The following CAMK1D variants were observed in gnomAD, a reference collection of about 807,000 sequenced individuals.
CAMK1D encodes the protein calcium/calmodulin-dependent protein kinase type 1D.
CAMK1D carries 9 observed loss-of-function variants against 47.7 expected under a neutral mutation model. The ratio of observed to expected loss-of-function variants is 0.19; its 90% CI spans 0.11 to 0.33. The LOEUF is 0.33. CAMK1D is among the 10% of genes least tolerant of loss of function. The probability of loss-of-function intolerance (pLI) is 1.00; values close to 1 mark genes in which losing one functional copy is unlikely to be tolerated. For missense variants in CAMK1D, 291 were observed against 488.7 expected (o/e 0.60, Z 3.81); for synonymous variants, 184 against 184.9 (o/e 0.99, Z 0.04).
At chr10:12,565,186 G>C (rs1837082935) in intron 2 of CAMK1D, among the ~76,000 whole-genome samples, 1 of 152,126 alleles carries the variant, frequency 6.6e-6, no homozygotes, top group Non-Finnish European at 1.5e-5. Flanking sequence ...ACTTCAGCCT[G>C]GGTGACAGAG....
At chr10:12,611,868 C>T (rs111908080) in intron 2 of CAMK1D, among the ~76,000 whole-genome samples, 33,729 of 152,072 alleles carry the variant, frequency 0.22, 4,217 homozygotes, top group South Asian at 0.34. Context: ...GCTGGGATTA[C>T]AGGCGTGAGC....
intron 5 of CAMK1D, among the ~76,000 whole-genome samples, chr10:12,788,920 A>G (rs893515391): frequency 2.0e-5 from 3 of 152,224 alleles, no homozygotes; most frequent in Admixed American, 1.3e-4. Context: ...TTTAAAAAAA[A>G]TAAAAATCTG....
intron 1 of CAMK1D, among the ~76,000 whole-genome samples, chr10:12,407,889 A>G (rs1395616711): frequency 8.0e-6 from 1 of 124,508 alleles, no homozygotes; most frequent in African/African-American, 3.2e-5. Context: ...AGAGACTCTC[A>G]CTCTGTCACC....
intron 1 of CAMK1D, among the ~76,000 whole-genome samples, chr10:12,402,089 A>C (rs1035249979): frequency 1.3e-5 from 2 of 149,344 alleles, no homozygotes; most frequent in Non-Finnish European, 3.0e-5. Flanking sequence ...TATTTTTTTG[A>C]GATGGAGTCT....
intron 1 of CAMK1D, among the ~76,000 whole-genome samples, chr10:12,390,264 G>T (rs922449925): frequency 6.6e-6 from 1 of 152,068 alleles, no homozygotes; most frequent in African/African-American, 2.4e-5. Context: ...AAAAGATGGG[G>T]TCTTGCTCCA....
chr10:12,499,714 G>C (rs1461846584), intron 1 of CAMK1D, among the ~76,000 whole-genome samples: 1 of 152,208 alleles, frequency 6.6e-6, no homozygotes, highest in African/African-American at 2.4e-5. Context: ...TCATTGGTTG[G>C]TTGTCTGCCC....
rs1238627356 is a variant in CAMK1D, at chr10:12,827,623, C to CTCTCTCT, written c.1040-1140_1040-1139insTTCTCTC. On this transcript the variant is annotated intron_variant, in intron 10 of 10. Coordinates refer to ENST00000619168, the MANE Select transcript of CAMK1D (RefSeq NM_153498.4). The stretch of plus-strand genomic sequence containing the variant: ...CTGCCTTCCCCTCCCCTCCTCTCTC[C>CTCTCTCT]TCTCTCCTCTCTCCCCTCTCCCCTC... 2.7e-4 allele frequency among the ~76,000 whole-genome samples: 17 copies of CTCTCTCT among 64,136 alleles called. 4 individuals carry two copies. Among genetic ancestry groups the CTCTCTCT allele is most frequent in the African/African-American group, 8.5e-4 (17 of 19,976 alleles). 42.1% of individuals were successfully genotyped at this position (64,136 alleles called of 152,430 possible).
Position 12,808,964 on chromosome 10 carries a change from A to G in CAMK1D, c.642-5231A>G, listed in dbSNP as rs186460620. Among the ~76,000 whole-genome samples, 1,460 of 152,012 alleles carry G rather than the reference A, an allele frequency of 9.6e-3. 22 individuals are homozygous for G. Among genetic ancestry groups the G allele is most frequent in the African/African-American group, 0.033 (1,361 of 41,430 alleles). On this transcript the variant is annotated intron_variant, in intron 6 of 10. Coordinates refer to ENST00000619168, the MANE Select transcript of CAMK1D (RefSeq NM_153498.4). ...AAACCCCATCTCTACTAAAAATACA[A>G]AAATTAGCCAGGTGTGGTGGTGTGC...
At chr10:12,641,216 G>A (rs1839656340) in intron 2 of CAMK1D, among the ~76,000 whole-genome samples, 7 of 152,178 alleles carry the variant, frequency 4.6e-5, no homozygotes. Context: ...TGATCCACCT[G>A]CCTTGGTCTC....
At chr10:12,740,180 C>A (rs1157933052) in intron 3 of CAMK1D, among the ~76,000 whole-genome samples, 4 of 152,178 alleles carry the variant, frequency 2.6e-5, no homozygotes, top group African/African-American at 9.7e-5. Flanking sequence ...TCCCTGACAC[C>A]CCTGGTGTAG....
chr10:12,642,348 A>G (rs903704792), intron 2 of CAMK1D, among the ~76,000 whole-genome samples: 1 of 152,220 alleles, frequency 6.6e-6, no homozygotes, highest in African/African-American at 2.4e-5. Context: ...TCTTGAATGA[A>G]TCGTTGACTG....
intron 2 of CAMK1D, among the ~76,000 whole-genome samples, chr10:12,572,067 G>C (rs1837346084): frequency 7.0e-6 from 1 of 141,998 alleles, no homozygotes; most frequent in African/African-American, 2.8e-5. Flanking sequence ...AGTTCTGATA[G>C]AATACATGAA....
In CAMK1D at chr10:12,593,220, T is replaced by A. The variant is rs924683306; in HGVS notation, c.224+39864T>A. Among the ~76,000 whole-genome samples the A allele has an allele frequency of 2.0e-5, 3 of 152,182 alleles. 1 individual carries two copies. Among genetic ancestry groups the A allele is most frequent in the African/African-American group, 7.2e-5 (3 of 41,412 alleles). On this transcript the variant is annotated intron_variant, in intron 2 of 10. Coordinates refer to ENST00000619168, the MANE Select transcript of CAMK1D (RefSeq NM_153498.4). ...CCAGTTGTAGTTTAACGAACCCGTT[T>A]TAGGGCACTCTTTACTTTTTCTGCA...
chr10:12,672,617 C>T (rs1000588443), intron 3 of CAMK1D, among the ~76,000 whole-genome samples: 1 of 151,444 alleles, frequency 6.6e-6, no homozygotes, highest in Admixed American at 6.6e-5. Context: ...GTGATCCACC[C>T]ACCTCAGCCT....
chr10:12,680,599 C>T (rs1588778351), intron 3 of CAMK1D, among the ~76,000 whole-genome samples: 1 of 152,064 alleles, frequency 6.6e-6, no homozygotes, highest in African/African-American at 2.4e-5. Context: ...TTATGAATAA[C>T]GCATGTTGGT....
At chr10:12,568,813 G>A (rs1837225109) in intron 2 of CAMK1D, among the ~76,000 whole-genome samples, 1 of 152,156 alleles carries the variant, frequency 6.6e-6, no homozygotes, top group South Asian at 2.1e-4. Flanking sequence ...AAGTGATACA[G>A]TGTTTCCTTA....
intron 6 of CAMK1D, among the ~76,000 whole-genome samples, chr10:12,796,770 A>C (rs1006386778): frequency 2.0e-5 from 3 of 152,156 alleles, no homozygotes; most frequent in African/African-American, 2.4e-5. Flanking sequence ...ACGGTGCCTC[A>C]TTCAGGCCAC....
Position 12,671,845 on chromosome 10 carries a change from G to A in CAMK1D, c.299+5035G>A, listed in dbSNP as rs78718530. On this transcript the variant is annotated intron_variant, in intron 3 of 10. Coordinates refer to ENST00000619168, the MANE Select transcript of CAMK1D (RefSeq NM_153498.4). ...ACAAAAGTTTTTTAACTTTGAGTTG[G>A]TCTGCTTTATTTTTTCTTTTGTTGC... Among the ~76,000 whole-genome samples the A allele has an allele frequency of 9.7e-3, 1,462 of 149,980 alleles. 41 individuals carry two copies. The highest frequency in any genetic ancestry group is 0.093 in the East Asian group (476 of 5,134).
chr10:12,708,988 G>C (rs944801635), intron 3 of CAMK1D, among the ~76,000 whole-genome samples: 1 of 152,232 alleles, frequency 6.6e-6, no homozygotes, highest in African/African-American at 2.4e-5. Flanking sequence ...TCAGCCAAGG[G>C]AGCAGGCACC....
Sources: gnomAD v4.1 joint callset for allele counts (sites outside exome capture counted in the v4.1 genomes callset) on GRCh38, gnomAD v4.1.1 for gene constraint, MANE v1.5 for transcripts, NCBI Gene and HGNC (gene_info 2026-07-23, HGNC 2026-07-21) for gene names.